Variants in SH3GL3 observed in about 807,000 individuals in gnomAD.
The protein encoded by SH3GL3 is SH3 domain containing GRB2 like 3, endophilin A3.
A neutral mutation model predicts 47.7 loss-of-function variants in SH3GL3; 33 were observed. The ratio of observed to expected loss-of-function variants is 0.69; its 90% CI spans 0.52 to 0.92. SH3GL3 has a LOEUF of 0.92. Among genes scored for constraint, SH3GL3 ranks in the 40% least tolerant of loss-of-function variants. The pLI is 0.00. For synonymous variants in SH3GL3, 155 were observed against 148.8 expected (o/e 1.04, Z -0.30); for missense variants, 363 against 417.8 (o/e 0.87, Z 1.14).
chr15:83,477,814 T>G (rs1205506007), intron 1 of SH3GL3, among the ~76,000 whole-genome samples: 1 of 152,128 alleles, frequency 6.6e-6, no homozygotes, highest in Non-Finnish European at 1.5e-5. Flanking sequence ...AATTGAAAAA[T>G]TCTTTGGAGT....
chr15:83,458,753 CT>C (rs1406772085), intron 1 of SH3GL3, among the ~76,000 whole-genome samples: 3 of 152,198 alleles, frequency 2.0e-5, no homozygotes, highest in African/African-American at 7.2e-5. Flanking sequence ...TTCTCAGGGA[CT>C]TTGCTCTTGT....
chr15:83,525,312 T>C (rs181508692), intron 1 of SH3GL3, among the ~76,000 whole-genome samples: 142 of 151,932 alleles, frequency 9.3e-4, no homozygotes, highest in Non-Finnish European at 1.6e-3. Context: ...TTTTGAGAAA[T>C]GTCTATTCAA....
At chr15:83,631,826 C>G in the SH3GL3 span, among the ~76,000 whole-genome samples, 2 of 152,208 alleles carry the variant, frequency 1.3e-5, no homozygotes, top group African/African-American at 4.8e-5. Flanking sequence ...ACATTTTCCC[C>G]ATTGTCTTGG....
the SH3GL3 span, among the ~76,000 whole-genome samples, chr15:83,633,159 C>T: frequency 6.6e-6 from 1 of 151,956 alleles, no homozygotes; most frequent in African/African-American, 2.4e-5. Flanking sequence ...ATGCAAAATA[C>T]TCAAGGCATT....
rs1596007138 is a variant in SH3GL3, at chr15:83,457,379, C to A, written c.45+9801C>A. 3.3e-5 allele frequency among the ~76,000 whole-genome samples: 5 copies of A among 152,236 alleles called. No individual in the cohort carries two copies. In the East Asian group the frequency reaches 9.6e-4, roughly 29 times the overall value. The stretch of plus-strand genomic sequence containing the variant: ...AACACATGCCAGAGGTTAAAGGACA[C>A]TGCTTGTAGGGCAGAAAGAAGGGGA... On this transcript the variant is annotated intron_variant, in intron 1 of 8. Coordinates refer to ENST00000427482, the MANE Select transcript of SH3GL3 (RefSeq NM_003027.5).
At chr15:83,525,163 G>A (rs1029337239) in intron 1 of SH3GL3, among the ~76,000 whole-genome samples, 6 of 151,876 alleles carry the variant, frequency 4.0e-5, no homozygotes, top group African/African-American at 9.7e-5. Flanking sequence ...TGTTATTAGC[G>A]TCTGTTATTT....
intron 8 of SH3GL3, among the ~76,000 whole-genome samples, chr15:83,590,045 C>G (rs1328577276): frequency 1.3e-5 from 2 of 152,116 alleles, no homozygotes; most frequent in African/African-American, 4.8e-5. Flanking sequence ...ACTTTCTTTT[C>G]TATATTTTAA....
At chr15:83,524,623 T>G (rs1341079286) in intron 1 of SH3GL3, among the ~76,000 whole-genome samples, 1 of 152,066 alleles carries the variant, frequency 6.6e-6, no homozygotes, top group Non-Finnish European at 1.5e-5. Context: ...TCTATCTAAC[T>G]GTATGTTTGC....
chr15:83,486,912 C>A (rs1319556981), intron 1 of SH3GL3, among the ~76,000 whole-genome samples: 1 of 152,006 alleles, frequency 6.6e-6, no homozygotes, highest in Non-Finnish European at 1.5e-5. Flanking sequence ...AGAGAGCACT[C>A]TGGCCTCTCT....
chr15:83,625,845 T>G, the SH3GL3 span, among the ~76,000 whole-genome samples: 1 of 148,844 alleles, frequency 6.7e-6, no homozygotes, highest in Non-Finnish European at 1.5e-5. Flanking sequence ...TGTTTGTTTG[T>G]TTTTTGAGAT....
chr15:83,579,474 A>T (rs2059773802), intron 6 of SH3GL3, among the ~76,000 whole-genome samples: 2 of 152,204 alleles, frequency 1.3e-5, no homozygotes, highest in South Asian at 4.1e-4. Flanking sequence ...TGGGCCGCCC[A>T]GGCTGCCCGG....
At chr15:83,510,037 A>G (rs1292090866) in intron 1 of SH3GL3, among the ~76,000 whole-genome samples, 1 of 152,130 alleles carries the variant, frequency 6.6e-6, no homozygotes, top group Non-Finnish European at 1.5e-5. Flanking sequence ...TCACCCATCA[A>G]TGCCTTGTGC....
At chr15:83,582,881 C>G (rs2059866461) in intron 6 of SH3GL3, among the ~76,000 whole-genome samples, 1 of 152,094 alleles carries the variant, frequency 6.6e-6, no homozygotes, top group South Asian at 2.1e-4. Context: ...GATTATTATC[C>G]ATGTTATTAA....
At chr15:83,519,477 G>A (rs1163391887) in intron 1 of SH3GL3, among the ~76,000 whole-genome samples, 1 of 152,128 alleles carries the variant, frequency 6.6e-6, no homozygotes, top group Admixed American at 6.5e-5. Flanking sequence ...GAATGTTATT[G>A]GAGTATAGAA....
chr15:83,596,499 T>G (rs1012675732), intron 8 of SH3GL3, among the ~76,000 whole-genome samples: 4 of 152,250 alleles, frequency 2.6e-5, no homozygotes, highest in Non-Finnish European at 5.9e-5. Flanking sequence ...TAGTTATGGA[T>G]TTGTCTATTT....
chr15:83,533,325 C>T (rs1329631988), intron 1 of SH3GL3, among the ~76,000 whole-genome samples: 1 of 152,126 alleles, frequency 6.6e-6, no homozygotes, highest in Non-Finnish European at 1.5e-5. Context: ...AGCTTTCACA[C>T]CCCAGGACAA....
chr15:83,563,533 T>G (rs1396985202), intron 2 of SH3GL3, among the ~76,000 whole-genome samples: 1 of 152,212 alleles, frequency 6.6e-6, no homozygotes, highest in African/African-American at 2.4e-5. Flanking sequence ...TATAACTGAT[T>G]TTAAAAATGT....
chr15:83,578,285 G>A (rs893895862), intron 6 of SH3GL3, among the ~76,000 whole-genome samples: 5 of 152,134 alleles, frequency 3.3e-5, no homozygotes, highest in African/African-American at 9.7e-5. Context: ...GCCTCCCTCC[G>A]GAGCCCCTGC....
At chr15:83,547,412 A>T (rs1022788262) in intron 1 of SH3GL3, among the ~76,000 whole-genome samples, 5 of 152,330 alleles carry the variant, frequency 3.3e-5, no homozygotes, top group African/African-American at 1.2e-4. Flanking sequence ...AAGTGCACAG[A>T]TTCTCTCTCC....
Sources: gnomAD v4.1 joint callset for allele counts (sites outside exome capture counted in the v4.1 genomes callset) on GRCh38, gnomAD v4.1.1 for gene constraint, MANE v1.5 for transcripts, NCBI Gene and HGNC (gene_info 2026-07-23, HGNC 2026-07-21) for gene names.